Variants in CALCRL observed in about 807,000 individuals in gnomAD.
CALCRL encodes the protein calcitonin receptor like receptor, also known as calcitonin gene-related peptide type 1 receptor.
A neutral mutation model predicts 60.4 loss-of-function variants in CALCRL; 27 were observed. The ratio of observed to expected loss-of-function variants is 0.45; its 90% confidence interval spans 0.33 to 0.62. CALCRL has a LOEUF of 0.62. Ranked by LOEUF, CALCRL falls within the 20% of genes least tolerant of loss-of-function variation. The pLI is 0.03. For missense variants in CALCRL, 424 were observed against 540.7 expected (o/e 0.78, Z 2.14); for synonymous variants, 190 against 182.6 (o/e 1.04, Z -0.33).
At chr2:187,431,977 T>C (rs891815288) in intron 1 of CALCRL, among the ~76,000 whole-genome samples, 2 of 152,010 alleles carry the variant, frequency 1.3e-5, no homozygotes, top group East Asian at 3.9e-4. Flanking sequence ...AGAATGGTCA[T>C]TTTTAGAAGA....
chr2:187,428,892 CA>C (rs34143166), intron 1 of CALCRL: 24,912 of 104,004 alleles, frequency 0.24, 2,211 homozygotes, highest in South Asian at 0.32. Flanking sequence ...GACTCCGCCT[CA>C]AAAAAAAAAA....
At chr2:187,350,681 C>T (rs1686491385) in intron 14 of CALCRL, among the ~76,000 whole-genome samples, 1 of 151,600 alleles carries the variant, frequency 6.6e-6, no homozygotes, top group Non-Finnish European at 1.5e-5. Flanking sequence ...AAAAATATTA[C>T]TTAAGCAAGC....
At chr2:187,419,430 C>G (rs1689772234) in intron 1 of CALCRL, among the ~76,000 whole-genome samples, 1 of 152,118 alleles carries the variant, frequency 6.6e-6, no homozygotes, top group Non-Finnish European at 1.5e-5. Context: ...AGAATCCACA[C>G]CTGCCAACAC....
intron 1 of CALCRL, among the ~76,000 whole-genome samples, chr2:187,435,596 A>G (rs1690601094): frequency 6.6e-6 from 1 of 152,186 alleles, no homozygotes; most frequent in South Asian, 2.1e-4. Flanking sequence ...TTTGTAGAAA[A>G]GTATGCAGAG....
rs1407146673 is a variant in CALCRL at position 187,343,349 on chromosome 2, T to C, written c.*2835A>G. 3 of 151,900 alleles carry C rather than the reference T, an allele frequency of 2.0e-5. No individual in the cohort carries two copies. The highest frequency in any genetic ancestry group is 7.2e-5 in the African/African-American group (3 of 41,418). The allele number at this position is 151,900 out of a possible 1,614,324, so 9.4% of individuals were successfully genotyped here. A position where few individuals can be genotyped will look rare whatever the true frequency, so the allele number is the denominator to read the frequency against. On this transcript the variant is annotated 3_prime_UTR_variant, in exon 15 of 15. Coordinates refer to ENST00000392370, the MANE Select transcript of CALCRL (RefSeq NM_005795.6). Reference sequence around the variant, plus strand: ...ACAATCAAAAAATAGAGATATACTCTAGGCATAACATAAATTGTTATAATT... The same window carrying C: ...ACAATCAAAAAATAGAGATATACTCCAGGCATAACATAAATTGTTATAATT...
chr2:187,352,634 TA>T (rs760726915), intron 12 of CALCRL, among the ~76,000 whole-genome samples: 7 of 151,920 alleles, frequency 4.6e-5, no homozygotes, highest in African/African-American at 7.2e-5. Flanking sequence ...CACGTGCAAT[TA>T]AAAAAATCTG....
At chr2:187,376,178 C>T (rs565378516) in intron 8 of CALCRL, among the ~76,000 whole-genome samples, 1 of 152,280 alleles carries the variant, frequency 6.6e-6, no homozygotes, top group African/African-American at 2.4e-5. Flanking sequence ...CCATCTACTT[C>T]AACTTTCCTG....
intron 5 of CALCRL, among the ~76,000 whole-genome samples, chr2:187,382,766 G>A (rs1487294729): frequency 6.6e-6 from 1 of 151,860 alleles, no homozygotes; most frequent in Non-Finnish European, 1.5e-5. Flanking sequence ...TGCAAAGTGT[G>A]TGTGTTATGA....
chr2:187,357,504 G>T (rs556218517), intron 12 of CALCRL, among the ~76,000 whole-genome samples: 2 of 150,998 alleles, frequency 1.3e-5, no homozygotes, highest in East Asian at 4.0e-4. Flanking sequence ...GGCCTGTCGG[G>T]GGGTGGGGGT....
chr2:187,440,167 A>C (rs977220520), intron 1 of CALCRL, among the ~76,000 whole-genome samples: 6 of 152,098 alleles, frequency 3.9e-5, no homozygotes, highest in Non-Finnish European at 8.8e-5. Context: ...GATATACTGT[A>C]GTAACTGATG....
chr2:187,397,769 C>T (rs1688723752), intron 1 of CALCRL, among the ~76,000 whole-genome samples: 1 of 151,588 alleles, frequency 6.6e-6, no homozygotes, highest in South Asian at 2.1e-4. Context: ...TTGTTTAGCT[C>T]CCGCTTATAA....
chr2:187,388,559 T>C (rs1688300266), intron 1 of CALCRL, among the ~76,000 whole-genome samples: 1 of 152,128 alleles, frequency 6.6e-6, no homozygotes, highest in African/African-American at 2.4e-5. Context: ...TGTGGAGCCC[T>C]GAAAGTTCCC....
At chr2:187,384,840 C>G (rs1340255893) in intron 4 of CALCRL, among the ~76,000 whole-genome samples, 1 of 152,048 alleles carries the variant, frequency 6.6e-6, no homozygotes, top group Non-Finnish European at 1.5e-5. Context: ...GATAAGAGCA[C>G]AGTCACTGTT....
chr2:187,400,667 T>C (rs1236069743), intron 1 of CALCRL, among the ~76,000 whole-genome samples: 1 of 151,444 alleles, frequency 6.6e-6, no homozygotes, highest in African/African-American at 2.4e-5. Flanking sequence ...AAATATGATA[T>C]ATTCCCTATA....
chr2:187,388,564 G>A (rs1688300472), intron 1 of CALCRL, among the ~76,000 whole-genome samples: 1 of 152,036 alleles, frequency 6.6e-6, no homozygotes. Flanking sequence ...AGCCCTGAAA[G>A]TTCCCAACTC....
intron 1 of CALCRL, among the ~76,000 whole-genome samples, chr2:187,441,097 T>C (rs1690887354): frequency 1.3e-5 from 2 of 152,090 alleles, no homozygotes; most frequent in South Asian, 4.1e-4. Flanking sequence ...AAAATATTTT[T>C]TGTCAAAGTA....
chr2:187,380,156 G>A (rs1482965697), intron 7 of CALCRL, among the ~76,000 whole-genome samples: 1 of 152,136 alleles, frequency 6.6e-6, no homozygotes, highest in African/African-American at 2.4e-5. Flanking sequence ...AAATTCCACT[G>A]CAAATGGAAG....
intron 1 of CALCRL, among the ~76,000 whole-genome samples, chr2:187,409,245 G>C (rs962610231): frequency 2.0e-5 from 3 of 152,026 alleles, no homozygotes; most frequent in Non-Finnish European, 4.4e-5. Context: ...TATTTGCTTT[G>C]ATTCGGGGAA....
intron 8 of CALCRL, among the ~76,000 whole-genome samples, chr2:187,377,272 G>C (rs1687796180): frequency 6.6e-6 from 1 of 152,060 alleles, no homozygotes; most frequent in African/African-American, 2.4e-5. Context: ...AGGCTAGATA[G>C]AACAAGACTG....
Sources: gnomAD v4.1 joint callset for allele counts (sites outside exome capture counted in the v4.1 genomes callset) on GRCh38, gnomAD v4.1.1 for gene constraint, MANE v1.5 for transcripts, NCBI Gene and HGNC (gene_info 2026-07-23, HGNC 2026-07-21) for gene names.